PAFAH1B2: variants seen among roughly 807,000 people sequenced by gnomAD.
PAFAH1B2 encodes platelet activating factor acetylhydrolase 1b catalytic subunit 2, also known as platelet-activating factor acetylhydrolase IB subunit alpha2.
PAFAH1B2 carries 8 observed loss-of-function variants against 28.0 expected under a neutral mutation model. That is an observed-to-expected ratio of 0.29 (90% CI 0.17 to 0.52). The LOEUF is 0.52. PAFAH1B2 is among the 20% of genes least tolerant of loss of function. The pLI is 0.97. For synonymous variants in PAFAH1B2, 104 were observed against 103.2 expected (o/e 1.01, Z -0.05); for missense variants, 190 against 282.6 (o/e 0.67, Z 2.35).
downstream of PAFAH1B2, chr11:117,175,851 CAGG>C: frequency 2.0e-6 from 3 of 1,492,758 alleles, no homozygotes; most frequent in Non-Finnish European, 2.7e-6. Context: ...CGCTTGAAGC[CAGG>C]AGTTCAAGAC....
At chr11:117,175,257 T>G (rs2029909866), downstream of PAFAH1B2, 1 of 1,081,518 alleles carries the variant, frequency 9.2e-7, no homozygotes, top group South Asian at 4.4e-5. Context: ...CCCCGACATC[T>G]CCCCTGTGTG....
downstream of PAFAH1B2, among the ~76,000 whole-genome samples, chr11:117,172,400 A>T (rs1186295214): frequency 0.28 from 953 of 3,400 alleles, 43 homozygotes; most frequent in African/African-American, 0.39. Flanking sequence ...ATATATATAT[A>T]TATATTTTTT....
rs1247329287 is a variant in PAFAH1B2 at position 117,167,634 on chromosome 11, C to G, written c.625C>G (p.Leu209Val). ...GGGYAKICKP[L>V]HELIMQLLEE... is the part of the protein sequence containing the mutation. ...GGGCTATGCAAAGATCTGCAAACCC[C>G]TGCATGAACTGATCATGCAGTTGTT... The change falls in exon 6 of 6, where the codon CTG becomes GTG. Residue 209 changes from leucine (L) to valine (V), a missense_variant. Transcript: ENST00000527958. The G allele has an allele frequency of 5.6e-5, 89 of 1,596,922 alleles. No individual in the cohort carries two copies. Among genetic ancestry groups the G allele is most frequent in the Non-Finnish European group, 7.5e-5 (88 of 1,167,890 alleles).
chr11:117,146,128 T>C (rs71466796), intron 1 of PAFAH1B2, among the ~76,000 whole-genome samples: 1 of 144,708 alleles, frequency 6.9e-6, no homozygotes, highest in East Asian at 2.0e-4. Context: ...TTTTTTTTTT[T>C]TTTTTGTGTG....
At chr11:117,149,430 G>GTTTTTTTTTTTTT (rs746125678) in intron 1 of PAFAH1B2, among the ~76,000 whole-genome samples, 7,161 of 85,662 alleles carry the variant, frequency 0.084, 2,079 homozygotes, top group African/African-American at 0.17. Context: ...TTTTCTAATC[G>GTTTTTTTTTTTTT]TTTTTTTTTT....
At chr11:117,164,897 G>A (rs886560117) in intron 5 of PAFAH1B2, among the ~76,000 whole-genome samples, 6 of 151,768 alleles carry the variant, frequency 4.0e-5, no homozygotes, top group African/African-American at 1.5e-4. Flanking sequence ...TTAGCTGGGC[G>A]TGGTGGCACG....
At chr11:117,150,217 C>T (rs1415528838) in intron 1 of PAFAH1B2, among the ~76,000 whole-genome samples, 2 of 152,174 alleles carry the variant, frequency 1.3e-5, no homozygotes, top group African/African-American at 4.8e-5. Flanking sequence ...AAGTCTTGCT[C>T]TGTTGCTGCA....
chr11:117,174,097 T>C (rs1363662493), downstream of PAFAH1B2, among the ~76,000 whole-genome samples: 1 of 151,866 alleles, frequency 6.6e-6, no homozygotes, highest in Non-Finnish European at 1.5e-5. Flanking sequence ...AATAATTTGA[T>C]TGGATTCAGC....
At chr11:117,161,983 A>G (rs1286455632) in intron 4 of PAFAH1B2, among the ~76,000 whole-genome samples, 3 of 152,188 alleles carry the variant, frequency 2.0e-5, no homozygotes, top group African/African-American at 7.2e-5. Flanking sequence ...GAGGCCTGCA[A>G]GTTCATCTGA....
In PAFAH1B2 at chr11:117,167,490, A is replaced by G. The variant is rs1428388428; in HGVS notation, c.481A>G (p.Lys161Glu). Residue 161 changes from lysine to glutamate, a missense_variant, in exon 6 of 6, where the codon AAG (lysine) becomes GAG (glutamate). Physicochemically the swap from Lys to Glu is moderately conservative, Grantham distance 56. Transcript: ENST00000527958. ...QKNAKVNQLL[K>E]VSLPKLANVQ... Reference sequence around the variant, plus strand: ...GAACGCCAAGGTGAACCAACTCCTCAAGGTTTCGCTGCCGAAGCTTGCCAA... The same window carrying G: ...GAACGCCAAGGTGAACCAACTCCTCGAGGTTTCGCTGCCGAAGCTTGCCAA... 1.2e-5 allele frequency: 19 copies of G among 1,610,292 alleles called. No individual in the cohort carries two copies. The highest frequency in any genetic ancestry group is 1.4e-5 in the Non-Finnish European group (17 of 1,177,862).
chr11:117,172,357 TATATATATATATATATATATATATATATA>T (rs1565278464), downstream of PAFAH1B2, among the ~76,000 whole-genome samples: 1 of 1,790 alleles, frequency 5.6e-4, no homozygotes, highest in African/African-American at 1.0e-3. Flanking sequence ...TTTATATATA[TATATATATATATATATATATATATATATA>T]TATATATATA....
downstream of PAFAH1B2, among the ~76,000 whole-genome samples, chr11:117,172,377 TATATATATATATATATATATATATATA>T (rs1956678358): frequency 0.11 from 269 of 2,352 alleles, 4 homozygotes; most frequent in East Asian, 0.29. Flanking sequence ...TATATATATA[TATATATATATATATATATATATATATA>T]TTTTTTTTTT....
downstream of PAFAH1B2, chr11:117,171,671 A>T (rs1183157194): frequency 4.6e-6 from 7 of 1,531,394 alleles, no homozygotes; most frequent in South Asian, 8.3e-5. Flanking sequence ...GTGAGACTAG[A>T]ACAAGGGTCG....
At chr11:117,159,591 C>G (rs1485927111) in intron 2 of PAFAH1B2, 1 of 199,188 alleles carries the variant, frequency 5.0e-6, no homozygotes, top group Non-Finnish European at 1.0e-5. Context: ...AAAAATTAGC[C>G]AGGCATGGTG....
downstream of PAFAH1B2, chr11:117,175,474 T>C: frequency 9.2e-7 from 1 of 1,083,272 alleles, no homozygotes; most frequent in Non-Finnish European, 1.1e-6. Context: ...AGACGCAGGG[T>C]CCTGACGATT....
At chr11:117,161,733 C>G (rs1162424499) in intron 4 of PAFAH1B2, among the ~76,000 whole-genome samples, 3 of 152,136 alleles carry the variant, frequency 2.0e-5, no homozygotes, top group African/African-American at 7.2e-5. Flanking sequence ...GTCTTGAACT[C>G]ATGACCTTGT....
At chr11:117,146,114 CT>C (rs376242740) in intron 1 of PAFAH1B2, among the ~76,000 whole-genome samples, 5,504 of 137,272 alleles carry the variant, frequency 0.04, 105 homozygotes, top group African/African-American at 0.055. Flanking sequence ...GTCTTTCTTT[CT>C]TTTTTTTTTT....
intron 4 of PAFAH1B2, among the ~76,000 whole-genome samples, chr11:117,162,677 C>G (rs1167950817): frequency 6.6e-6 from 1 of 151,854 alleles, no homozygotes; most frequent in Non-Finnish European, 1.5e-5. Context: ...TCACTTGAAC[C>G]CATGAGATGG....
rs150627380 is a variant in PAFAH1B2 at position 117,170,626 on chromosome 11, TAAAAAA to T, written c.*2943_*2948del. 68 of 948,884 alleles carry T rather than the reference TAAAAAA, an allele frequency of 7.2e-5. 1 individual carries two copies. The East Asian group carries it at 1.6e-3, about 22-fold the overall frequency. The allele number at this position is 948,884 out of a possible 1,614,324, so 58.8% of individuals were successfully genotyped here. A position where few individuals can be genotyped will look rare whatever the true frequency, so the allele number is the denominator to read the frequency against. On this transcript the variant is annotated 3_prime_UTR_variant, in exon 6 of 6. Coordinates refer to ENST00000527958, the MANE Select transcript of PAFAH1B2 (RefSeq NM_002572.4). The stretch of plus-strand genomic sequence containing the variant: ...CCGGCTCTTAGGAATTTTGTCTGTT[TAAAAAA>T]AAAAAAAAAAAAAAAGTCCAACTTA...
Sources: allele counts gnomAD v4.1 joint callset (sites outside exome capture counted in the v4.1 genomes callset), GRCh38; gene constraint gnomAD v4.1.1; transcripts MANE v1.5; gene names NCBI Gene and HGNC (gene_info 2026-07-23, HGNC 2026-07-21).